The following ERBIN variants were observed in gnomAD, a reference collection of about 807,000 sequenced individuals.
ERBIN encodes densin-180-like protein.
A neutral mutation model predicts 158.4 loss-of-function variants in ERBIN; 60 were observed. The ratio of observed to expected loss-of-function variants is 0.38; its 90% CI spans 0.31 to 0.47. The LOEUF (loss-of-function observed/expected upper bound fraction) is 0.47, where lower values mean the gene tolerates loss of function less well. Ranked by LOEUF, ERBIN falls within the 20% of genes least tolerant of loss-of-function variation. ERBIN has a pLI of 0.99. For synonymous variants in ERBIN, 594 were observed against 557.2 expected (o/e 1.07, Z -0.93); for missense variants, 1,610 against 1,648.0 (o/e 0.98, Z 0.40).
intron 17 of ERBIN, among the ~76,000 whole-genome samples, chr5:66,044,635 G>C (rs1293716590): frequency 6.6e-6 from 1 of 151,432 alleles, no homozygotes; most frequent in East Asian, 2.0e-4. Flanking sequence ...CGTGGTGGTG[G>C]GCACCAGTAA....
Position 66,076,376 on chromosome 5 carries a change from G to C in ERBIN, c.4024G>C (p.Gly1342Arg). The C allele has an allele frequency of 6.2e-7, 1 of 1,613,342 alleles. No homozygotes were observed. Among genetic ancestry groups the C allele is most frequent in the Non-Finnish European group, 8.5e-7 (1 of 1,179,712 alleles). ...LGFSISGGVGGRGNPFRPDDD... is the reference protein window; with the variant it reads ...LGFSISGGVGRRGNPFRPDDD... ...ATTTAGCATATCAGGTGGTGTCGGG[G>C]GTAGAGGAAACCCATTCAGACCTGA... Residue 1342 changes from glycine to arginine, a missense_variant, in exon 24 of 26, where the codon GGT becomes CGT. By Grantham distance (125) the Gly-to-Arg change is moderately radical. Coordinates refer to ENST00000284037, the MANE Select transcript of ERBIN (RefSeq NM_001253697.2).
intron 1 of ERBIN, among the ~76,000 whole-genome samples, chr5:65,954,715 A>G (rs554159671): frequency 3.6e-4 from 54 of 152,058 alleles, no homozygotes; most frequent in Non-Finnish European, 7.2e-4. Flanking sequence ...GTGTGAAACA[A>G]TTTTAGCAGG....
chr5:65,933,181 T>G (rs1243004077), intron 1 of ERBIN, among the ~76,000 whole-genome samples: 3 of 152,246 alleles, frequency 2.0e-5, no homozygotes, highest in Non-Finnish European at 4.4e-5. Context: ...TTTATTCTAC[T>G]AACACTACAG....
intron 7 of ERBIN, among the ~76,000 whole-genome samples, chr5:66,018,164 TG>T (rs1405237737): frequency 2.6e-5 from 4 of 151,734 alleles, no homozygotes; most frequent in Non-Finnish European, 4.4e-5. Context: ...TGGAGTCTTT[TG>T]TTGTGGTTCT....
intron 15 of ERBIN, among the ~76,000 whole-genome samples, chr5:66,041,262 T>C (rs1757892652): frequency 6.6e-6 from 1 of 151,984 alleles, no homozygotes. Context: ...ACAGGTGTAG[T>C]GGTCAAAGAG....
chr5:66,040,756 T>C (rs563395758), intron 15 of ERBIN, among the ~76,000 whole-genome samples: 6 of 151,804 alleles, frequency 4.0e-5, no homozygotes, highest in African/African-American at 1.4e-4. Context: ...ATTAATTCTA[T>C]TTTTCATCCC....
chr5:65,984,994 T>TG (rs1195250095), intron 1 of ERBIN: 1 of 152,164 alleles, frequency 6.6e-6, no homozygotes, highest in Non-Finnish European at 1.5e-5. Context: ...AAGTAGTGGA[T>TG]GGGGAAGGCT....
At position 65,989,016 on chromosome 5, in the gene ERBIN, G is replaced by A. The variant is rs189757787; in HGVS notation, c.-10+334G>A. Among the ~76,000 whole-genome samples the A allele has an allele frequency of 4.1e-3, 532 of 129,402 alleles. 7 individuals carry two copies. The highest frequency in any genetic ancestry group is 0.015 in the African/African-American group (511 of 34,968). The allele number at this position is 129,402 out of a possible 152,430, so 84.9% of individuals were successfully genotyped here. A position where few individuals can be genotyped will look rare whatever the true frequency, so the allele number is the denominator to read the frequency against. ...AAAAAAAAAAAAAAAGCTTATTATTGTGCTCATTTTCTGGGTCGACACTTT... is the reference window on the plus strand; with the variant it reads ...AAAAAAAAAAAAAAAGCTTATTATTATGCTCATTTTCTGGGTCGACACTTT... On this transcript the variant is annotated intron_variant, in intron 2 of 25. Coordinates refer to ENST00000284037, the MANE Select transcript of ERBIN (RefSeq NM_001253697.2).
Position 66,081,351 on chromosome 5 carries a change from G to T in ERBIN, c.*2821G>T, listed in dbSNP as rs1762375041. On this transcript the variant is annotated 3_prime_UTR_variant, in exon 26 of 26. Coordinates refer to ENST00000284037, the MANE Select transcript of ERBIN (RefSeq NM_001253697.2). ...CTGACCTCTTTGGACTGGATATGAAGATATATATATATACACTTAATTCTT... is the reference window on the plus strand; with the variant it reads ...CTGACCTCTTTGGACTGGATATGAATATATATATATATACACTTAATTCTT... 1 of 151,432 alleles carries T rather than the reference G, an allele frequency of 6.6e-6. No individual in the cohort carries two copies. Among genetic ancestry groups the T allele is most frequent in the Non-Finnish European group, 1.5e-5 (1 of 67,732 alleles). The allele number at this position is 151,432 out of a possible 1,614,324, so 9.4% of individuals were successfully genotyped here. A position where few individuals can be genotyped will look rare whatever the true frequency, so the allele number is the denominator to read the frequency against.
rs376326189 is a variant in ERBIN at position 66,029,704 on chromosome 5, A to G, written c.1206+1361A>G. 7.9e-5 allele frequency among the ~76,000 whole-genome samples: 12 copies of G among 152,188 alleles called. No homozygotes were observed. In the East Asian group the frequency reaches 1.9e-3, roughly 25 times the overall value. ...ACTGCAACCTCCACCTCCTGGGTTC[A>G]AGCGATTCTCTTGCCTCAGCCTCCC... is the stretch of plus-strand genomic sequence containing the variant. On this transcript the variant is annotated intron_variant, in intron 14 of 25. Transcript: ENST00000284037.
chr5:65,974,520 A>T (rs1749650424), intron 1 of ERBIN, among the ~76,000 whole-genome samples: 1 of 152,126 alleles, frequency 6.6e-6, no homozygotes, highest in Non-Finnish European at 1.5e-5. Flanking sequence ...AAGTAGATTG[A>T]TACCCTGTTA....
chr5:65,936,164 G>A (rs971067439), intron 1 of ERBIN, among the ~76,000 whole-genome samples: 1 of 152,116 alleles, frequency 6.6e-6, no homozygotes, highest in Admixed American at 6.6e-5. Flanking sequence ...CTGATGGAGG[G>A]GGGGTGGGGA....
chr5:66,011,255 C>T (rs1299830049), intron 4 of ERBIN, among the ~76,000 whole-genome samples: 3 of 152,150 alleles, frequency 2.0e-5, no homozygotes, highest in Non-Finnish European at 4.4e-5. Context: ...GTTTCATTAT[C>T]TTAGGGTGGA....
Position 66,038,429 on chromosome 5 carries a change from A to G in ERBIN, c.1253A>G (p.Gln418Arg). 6.2e-7 allele frequency: 1 copy of G among 1,612,456 alleles called. No individual in the cohort carries two copies. Among genetic ancestry groups the G allele is most frequent in the Admixed American group, 1.7e-5 (1 of 59,942 alleles). The change falls in exon 15 of 26, where the codon CAG becomes CGG. Residue 418 changes from glutamine to arginine, a missense_variant. By Grantham distance (43) the Gln-to-Arg change is conservative. Coordinates refer to ENST00000284037, the MANE Select transcript of ERBIN (RefSeq NM_001253697.2). ...CAAAAAGAAACTGATTCAGAGACCC[A>G]GAAAATGGTGCTTACCAACTACATG... Reference protein sequence around the residue: ...PLQKETDSETQKMVLTNYMFP... With the variant: ...PLQKETDSETRKMVLTNYMFP...
chr5:66,072,373 T>C, intron 22 of ERBIN, 82 bp downstream of exon 22: 2 of 1,348,890 alleles, frequency 1.5e-6, no homozygotes, highest in Non-Finnish European at 1.9e-6. Context: ...ATATGTGCTT[T>C]AGATGAAAAT....
At chr5:66,065,590 CCTGTGTGTGTGTGTGTGTGTG>C (rs1191670569) in intron 21 of ERBIN, among the ~76,000 whole-genome samples, 57 of 109,486 alleles carry the variant, frequency 5.2e-4, no homozygotes, top group African/African-American at 1.6e-3. Flanking sequence ...TTAATTTTGA[CCTGTGTGTGTGTGTGTGTGTG>C]TGTGTGTGTG....
intron 4 of ERBIN, among the ~76,000 whole-genome samples, chr5:65,996,957 GA>G (rs1171827473): frequency 2.0e-5 from 3 of 152,104 alleles, no homozygotes; most frequent in African/African-American, 7.2e-5. Flanking sequence ...AAATGCTACT[GA>G]TTTTTGTATG....
intron 2 of ERBIN, 144 bp from the exon 3 acceptor site, chr5:65,992,566 T>C: frequency 1.8e-6 from 1 of 551,996 alleles, no homozygotes; most frequent in Non-Finnish European, 3.1e-6. Context: ...ATTAAAGCAA[T>C]GTTAAATGGG....
In ERBIN at chr5:66,024,314, T is replaced by C. The variant is rs774184767; in HGVS notation, c.681T>C (p.Gly227=). 21 of 1,518,870 alleles carry C rather than the reference T, an allele frequency of 1.4e-5. No homozygotes were observed. The East Asian group carries it at 4.6e-4, about 33-fold the overall frequency. The allele number at this position is 1,518,870 out of a possible 1,614,324, so 94.1% of individuals were successfully genotyped here. ...TCTTTTTTTACTTATAGTTTATTGG[T>C]AGTTTGAAACAGCTCACATATTTGG... ...NRLTFIPGFI[G]SLKQLTYLDV... is the part of the protein sequence containing the mutation. Residue 227 remains glycine, a synonymous_variant, in exon 10 of 26, where the codon GGT becomes GGC. Transcript: ENST00000284037.
Sources: gnomAD v4.1 joint callset for allele counts (sites outside exome capture counted in the v4.1 genomes callset) on GRCh38, gnomAD v4.1.1 for gene constraint, MANE v1.5 for transcripts, NCBI Gene and HGNC (gene_info 2026-07-23, HGNC 2026-07-21) for gene names.